SRD5A2: variants seen among roughly 807,000 people sequenced by gnomAD.
The protein encoded by SRD5A2 is 3-oxo-5-alpha-steroid 4-dehydrogenase 2.
SRD5A2 carries 30 observed loss-of-function variants against 27.4 expected under a neutral mutation model. The ratio of observed to expected loss-of-function variants is 1.10; its 90% CI spans 0.82 to 1.49. SRD5A2 has a LOEUF of 1.49. Among genes scored for constraint, SRD5A2 ranks in the 40% most tolerant of loss-of-function variants. The pLI, the probability that SRD5A2 is intolerant of heterozygous loss-of-function variation, is 0.00. For synonymous variants in SRD5A2, 141 were observed against 133.6 expected (o/e 1.06, Z -0.38); for missense variants, 348 against 323.4 (o/e 1.08, Z -0.58).
At chr2:31,604,658 G>A in the SRD5A2 span, among the ~76,000 whole-genome samples, 1 of 151,620 alleles carries the variant, frequency 6.6e-6, no homozygotes, top group Non-Finnish European at 1.5e-5. Flanking sequence ...GTTGAAGAAT[G>A]CTCCAAAAAA....
chr2:31,584,407 C>T (rs1667143231), upstream of SRD5A2, among the ~76,000 whole-genome samples: 1 of 152,186 alleles, frequency 6.6e-6, no homozygotes, highest in Admixed American at 6.5e-5. Context: ...TTTACAATAT[C>T]CAGCATTCCT....
the SRD5A2 span, among the ~76,000 whole-genome samples, chr2:31,655,258 CGACT>C: frequency 2.6e-4 from 40 of 152,178 alleles, no homozygotes; most frequent in Admixed American, 4.6e-4. Context: ...CCCACCACCA[CGACT>C]GACTAATTTT....
intron 1 of SRD5A2, among the ~76,000 whole-genome samples, chr2:31,572,347 C>A (rs180969403): frequency 1.2e-4 from 18 of 152,190 alleles, no homozygotes; most frequent in South Asian, 6.2e-4. Context: ...AAATACCTAT[C>A]GGGTAGTATG....
the SRD5A2 span, among the ~76,000 whole-genome samples, chr2:31,641,152 A>G: frequency 6.6e-6 from 1 of 152,134 alleles, no homozygotes; most frequent in East Asian, 1.9e-4. Flanking sequence ...TTAGTTTTCT[A>G]TGATGGGGAG....
intron 1 of SRD5A2, among the ~76,000 whole-genome samples, chr2:31,543,328 A>G (rs1174647800): frequency 6.6e-6 from 1 of 152,210 alleles, no homozygotes; most frequent in African/African-American, 2.4e-5. Context: ...ATGAAAGCAT[A>G]CTATACAGTA....
chr2:31,640,288 C>T, the SRD5A2 span, among the ~76,000 whole-genome samples: 461 of 151,718 alleles, frequency 3.0e-3, 4 homozygotes, highest in African/African-American at 0.011. Context: ...TTTAAAATTG[C>T]TATTTTGAAC....
chr2:31,564,864 A>C (rs1666697408), intron 1 of SRD5A2, among the ~76,000 whole-genome samples: 1 of 152,024 alleles, frequency 6.6e-6, no homozygotes, highest in Non-Finnish European at 1.5e-5. Flanking sequence ...GGTAAAAGGA[A>C]AAAATGATAC....
chr2:31,585,567 A>G (rs1028569548), upstream of SRD5A2, among the ~76,000 whole-genome samples: 1 of 152,180 alleles, frequency 6.6e-6, no homozygotes, highest in Non-Finnish European at 1.5e-5. Context: ...AAGGGAACCC[A>G]CTGCTTTGAA....
At chr2:31,546,442 T>C (rs28745297) in intron 1 of SRD5A2, among the ~76,000 whole-genome samples, 464 of 152,272 alleles carry the variant, frequency 3.0e-3, no homozygotes, top group African/African-American at 0.011. Flanking sequence ...CATATACATC[T>C]TGGAATACTA....
At chr2:31,600,398 A>G in the SRD5A2 span, among the ~76,000 whole-genome samples, 1 of 152,016 alleles carries the variant, frequency 6.6e-6, no homozygotes, top group African/African-American at 2.4e-5. Context: ...CACCTCTTTG[A>G]GGAATCACTA....
At chr2:31,531,519 G>C (rs28383055) in intron 2 of SRD5A2, 47 bp from the exon 3 acceptor site, 1 of 1,173,368 alleles carries the variant, frequency 8.5e-7, no homozygotes, top group Non-Finnish European at 1.2e-6. Context: ...AATGTGTCCA[G>C]ATTGTGGTGC....
At chr2:31,615,607 A>C in the SRD5A2 span, among the ~76,000 whole-genome samples, 1 of 152,204 alleles carries the variant, frequency 6.6e-6, no homozygotes, top group Non-Finnish European at 1.5e-5. Flanking sequence ...AAAAAGGGAA[A>C]CAGCATAAAA....
chr2:31,547,625 T>G (rs1481342161), intron 1 of SRD5A2, among the ~76,000 whole-genome samples: 6 of 152,232 alleles, frequency 3.9e-5, no homozygotes, highest in African/African-American at 1.4e-4. Flanking sequence ...CTCTGGTCTT[T>G]GGACTTTAGG....
the SRD5A2 span, among the ~76,000 whole-genome samples, chr2:31,586,253 T>C: frequency 6.6e-6 from 1 of 152,062 alleles, no homozygotes; most frequent in Non-Finnish European, 1.5e-5. Flanking sequence ...GAATGCCAGG[T>C]AGACTTCAAA....
intron 1 of SRD5A2, among the ~76,000 whole-genome samples, chr2:31,541,792 T>C (rs1190769769): frequency 6.6e-6 from 1 of 152,142 alleles, no homozygotes; most frequent in Admixed American, 6.6e-5. Context: ...AGTACAGTGA[T>C]TGTGGGGCTC....
chr2:31,588,258 T>C, the SRD5A2 span, among the ~76,000 whole-genome samples: 1 of 152,076 alleles, frequency 6.6e-6, no homozygotes, highest in Admixed American at 6.6e-5. Context: ...AATATTCAAG[T>C]ACAAGAAGGT....
chr2:31,561,143 C>T (rs373358657), intron 1 of SRD5A2, among the ~76,000 whole-genome samples: 1 of 152,078 alleles, frequency 6.6e-6, no homozygotes, highest in East Asian at 1.9e-4. Flanking sequence ...TTTCCAAGAG[C>T]TCAATAATAA....
chr2:31,566,766 A>C (rs1236314528), intron 1 of SRD5A2, among the ~76,000 whole-genome samples: 1 of 152,218 alleles, frequency 6.6e-6, no homozygotes, highest in Non-Finnish European at 1.5e-5. Flanking sequence ...CTCTGCTGAG[A>C]TTTAATTGCA....
chr2:31,523,281 C>T lies in SRD5A2; in HGVS notation c.*2915G>A, dbSNP rs1665699163. The T allele has an allele frequency of 4.6e-6, 1 of 215,356 alleles. No homozygotes were observed. The highest frequency in any genetic ancestry group is 6.9e-5 in the East Asian group (1 of 14,592). The allele number at this position is 215,356 out of a possible 1,614,324, so 13.3% of individuals were successfully genotyped here. On this transcript the variant is annotated 3_prime_UTR_variant, in exon 5 of 5. Coordinates refer to ENST00000622030, the MANE Select transcript of SRD5A2 (RefSeq NM_000348.4). ...GAGGGAAGCCTCACACACAAACAGG[C>T]ATGGGACAATAGGTGTATAAACTGA...
Sources: gnomAD v4.1 joint callset for allele counts (sites outside exome capture counted in the v4.1 genomes callset) on GRCh38, gnomAD v4.1.1 for gene constraint, MANE v1.5 for transcripts, NCBI Gene and HGNC (gene_info 2026-07-23, HGNC 2026-07-21) for gene names.